Variants in RBMS1 observed in about 807,000 individuals in gnomAD.
RBMS1 encodes the protein RNA-binding motif, single-stranded-interacting protein 1.
A neutral mutation model predicts 62.3 loss-of-function variants in RBMS1; 17 were observed. That is an observed-to-expected ratio of 0.27 (90% CI 0.19 to 0.41). RBMS1 has a LOEUF of 0.41. Ranked by LOEUF, RBMS1 falls within the 10% of genes least tolerant of loss-of-function variation. The pLI is 1.00. For missense variants in RBMS1, 334 were observed against 504.5 expected, an observed-to-expected ratio of 0.66 and a Z score of 3.24; for synonymous variants, 172 against 170.0, an observed-to-expected ratio of 1.01 and a Z score of -0.09.
intron 1 of RBMS1, among the ~76,000 whole-genome samples, chr2:160,415,469 CAG>C (rs1696176229): frequency 6.6e-6 from 1 of 151,608 alleles, no homozygotes; most frequent in African/African-American, 2.4e-5. Context: ...TGGGAAGAGA[CAG>C]AAAGTACTTA....
At chr2:160,462,757 C>A (rs1684520390) in intron 1 of RBMS1, among the ~76,000 whole-genome samples, 1 of 152,056 alleles carries the variant, frequency 6.6e-6, no homozygotes, top group South Asian at 2.1e-4. Flanking sequence ...CCCCCATGCC[C>A]AGCTAATTTT....
intron 1 of RBMS1, among the ~76,000 whole-genome samples, chr2:160,436,127 C>T (rs993133070): frequency 4.6e-5 from 7 of 152,244 alleles, no homozygotes; most frequent in African/African-American, 1.7e-4. Flanking sequence ...GAGCCACTGT[C>T]AACTCCTTCC....
chr2:160,456,853 A>G (rs1684256760), intron 1 of RBMS1, among the ~76,000 whole-genome samples: 1 of 151,964 alleles, frequency 6.6e-6, no homozygotes, highest in African/African-American at 2.4e-5. Context: ...AGTTCAATTC[A>G]ATACATTTTT....
intron 1 of RBMS1, chr2:160,416,166 A>C (rs1168552922): frequency 1.3e-5 from 2 of 150,114 alleles, no homozygotes; most frequent in Non-Finnish European, 3.0e-5. Flanking sequence ...CCCCAAGTGA[A>C]GAGAAGGCAA....
At position 160,294,128 on chromosome 2, in the gene RBMS1, T is replaced by C. The variant is rs552935008; in HGVS notation, c.640+6523A>G. 2.0e-5 allele frequency among the ~76,000 whole-genome samples: 3 copies of C among 152,212 alleles called. No homozygotes were observed. In the South Asian group the frequency reaches 6.2e-4, roughly 32 times the overall value. On this transcript the variant is annotated intron_variant, in intron 6 of 13. Transcript: ENST00000348849. ...TAATACAAACAAGCCACCTCCAATATTTCAGGAAAAAATGCAGGACTGGGT... is the reference window on the plus strand; with the variant it reads ...TAATACAAACAAGCCACCTCCAATACTTCAGGAAAAAATGCAGGACTGGGT...
chr2:160,357,742 C>T (rs1210337388), intron 2 of RBMS1, among the ~76,000 whole-genome samples: 1 of 152,106 alleles, frequency 6.6e-6, no homozygotes, highest in Non-Finnish European at 1.5e-5. Context: ...GTGTACACAG[C>T]AATTTTCAAG....
rs868568437 is a variant in RBMS1, at chr2:160,449,062, T to C, written c.75+44227A>G. ...GTGAGGAGCCCCTCCGCCCGGCAGC[T>C]GCCCCGTCTGGGAAGTGAGGAGCCC... is the stretch of plus-strand genomic sequence containing the variant. On this transcript the variant is annotated intron_variant, in intron 1 of 13. Transcript: ENST00000348849. Among the ~76,000 whole-genome samples the C allele has an allele frequency of 4.8e-3, 628 of 131,374 alleles. 3 individuals are homozygous for C. The highest frequency in any genetic ancestry group is 0.039 in the Middle Eastern group (7 of 178). The allele number at this position is 131,374 out of a possible 152,430, so 86.2% of individuals were successfully genotyped here. A position where few individuals can be genotyped will look rare whatever the true frequency, so the allele number is the denominator to read the frequency against.
At chr2:160,300,856 A>G in intron 5 of RBMS1, 126 bp from the exon 6 acceptor site, 1 of 1,092,486 alleles carries the variant, frequency 9.2e-7, no homozygotes, top group Non-Finnish European at 1.2e-6. Flanking sequence ...AAATGTGAAT[A>G]TGATAAAGGG....
At chr2:160,307,362 A>G (rs917751632) in intron 4 of RBMS1, among the ~76,000 whole-genome samples, 5 of 28,088 alleles carry the variant, frequency 1.8e-4, no homozygotes, top group African/African-American at 2.9e-4. Flanking sequence ...CTATTTATTG[A>G]AAAAAAAAAA....
chr2:160,326,523 C>T (rs1690938422), intron 2 of RBMS1, among the ~76,000 whole-genome samples: 1 of 152,056 alleles, frequency 6.6e-6, no homozygotes, highest in Non-Finnish European at 1.5e-5. Context: ...AAACTTAAGT[C>T]TCCAAAAGTC....
At chr2:160,360,155 CT>C (rs1403419814) in intron 2 of RBMS1, among the ~76,000 whole-genome samples, 7 of 152,060 alleles carry the variant, frequency 4.6e-5, no homozygotes, top group African/African-American at 1.7e-4. Flanking sequence ...TCATTGGGCC[CT>C]ATTTGTAGAT....
At chr2:160,403,634 T>A (rs1286467084) in intron 1 of RBMS1, among the ~76,000 whole-genome samples, 1 of 152,164 alleles carries the variant, frequency 6.6e-6, no homozygotes. Context: ...CAAGTACAAC[T>A]ATTGGAGGGC....
intron 6 of RBMS1, among the ~76,000 whole-genome samples, chr2:160,288,693 A>T (rs1688529862): frequency 6.6e-6 from 1 of 152,002 alleles, no homozygotes; most frequent in South Asian, 2.1e-4. Flanking sequence ...TAAGATGTTG[A>T]CTCCACATAA....
rs779801872 is a variant in RBMS1 at position 160,278,703 on chromosome 2, G to T, written c.952-45C>A. 3 of 1,235,878 alleles carry T rather than the reference G, an allele frequency of 2.4e-6. No homozygotes were observed. In the South Asian group the frequency reaches 4.0e-5, roughly 16 times the overall value. 76.6% of individuals were successfully genotyped at this position (1,235,878 alleles called of 1,614,324 possible). ...AGCAAAATTAGACAAACTGAGGCAA[G>T]AGTTAAGATCCTGTAATTACTTTTT... On this transcript the variant is annotated intron_variant, in intron 10 of 13. Coordinates refer to ENST00000348849, the MANE Select transcript of RBMS1 (RefSeq NM_016836.4).
chr2:160,397,903 T>C (rs190393676), intron 1 of RBMS1, among the ~76,000 whole-genome samples: 12 of 152,332 alleles, frequency 7.9e-5, no homozygotes, highest in South Asian at 4.1e-4. Context: ...TCTTTCCTCC[T>C]ACTTTGCCTA....
intron 1 of RBMS1, among the ~76,000 whole-genome samples, chr2:160,426,241 G>GAAAGAA: frequency 9.1e-6 from 1 of 109,824 alleles, no homozygotes; most frequent in Non-Finnish European, 1.9e-5. Flanking sequence ...AAGAAAGAAA[G>GAAAGAA]AAAGAAAGAA....
intron 2 of RBMS1, 163 bp downstream of exon 2, chr2:160,367,053 A>G: frequency 3.5e-6 from 2 of 568,412 alleles, no homozygotes; most frequent in South Asian, 4.3e-5. Flanking sequence ...ATTGACTCAA[A>G]AAGTATTTAA....
chr2:160,369,456 G>T (rs1693602513), intron 1 of RBMS1, among the ~76,000 whole-genome samples: 1 of 152,226 alleles, frequency 6.6e-6, no homozygotes, highest in Admixed American at 6.5e-5. Flanking sequence ...GTGCTGGAAA[G>T]TAGCCCACAC....
intron 2 of RBMS1, among the ~76,000 whole-genome samples, chr2:160,347,021 A>G (rs983130913): frequency 2.0e-5 from 3 of 152,120 alleles, no homozygotes; most frequent in African/African-American, 4.8e-5. Context: ...ATCACCAGTG[A>G]AAAAAATAGG....
Sources: gnomAD v4.1 joint callset for allele counts (sites outside exome capture counted in the v4.1 genomes callset) on GRCh38, gnomAD v4.1.1 for gene constraint, MANE v1.5 for transcripts, NCBI Gene and HGNC (gene_info 2026-07-23, HGNC 2026-07-21) for gene names.